GALNT17: variants seen among roughly 807,000 people sequenced by gnomAD.
GALNT17 encodes the protein polypeptide N-acetylgalactosaminyltransferase 17.
In GALNT17, 29 loss-of-function variants were observed where a neutral mutation model predicts 63.7. The ratio of observed to expected loss-of-function variants is 0.46; its 90% CI spans 0.34 to 0.62. GALNT17 has a LOEUF of 0.62. Among genes scored for constraint, GALNT17 ranks in the 20% least tolerant of loss-of-function variants. GALNT17 has a pLI of 0.01. For missense variants in GALNT17, 603 were observed against 799.6 expected, an observed-to-expected ratio of 0.75 and a Z score of 2.97; for synonymous variants, 305 against 318.3, an observed-to-expected ratio of 0.96 and a Z score of 0.45.
chr7:71,470,712 A>C (rs915599577), intron 5 of GALNT17, among the ~76,000 whole-genome samples: 1 of 152,188 alleles, frequency 6.6e-6, no homozygotes, highest in African/African-American at 2.4e-5. Context: ...GTGACTAGGA[A>C]TCAAAGTCAG....
intron 5 of GALNT17, among the ~76,000 whole-genome samples, chr7:71,496,894 C>T (rs964988046): frequency 2.0e-5 from 3 of 151,076 alleles, no homozygotes; most frequent in African/African-American, 4.9e-5. Context: ...GGCAAAGTAG[C>T]GAGACCATGT....
intron 1 of GALNT17, among the ~76,000 whole-genome samples, chr7:71,323,670 G>A (rs1791655434): frequency 1.3e-5 from 2 of 152,148 alleles, no homozygotes; most frequent in Non-Finnish European, 2.9e-5. Context: ...TAATGAAACG[G>A]CGCTTACCCA....
At position 71,148,521 on chromosome 7, in the gene GALNT17, C is replaced by T. The variant is rs187133791; in HGVS notation, c.238+15481C>T. ...CAGTGGTAGCAAAAGAGAAGGAGAA[C>T]GGGAACAGCATTTGCATTGTGAATC... On this transcript the variant is annotated intron_variant, in intron 1 of 10. Coordinates refer to ENST00000333538, the MANE Select transcript of GALNT17 (RefSeq NM_022479.3). Among the ~76,000 whole-genome samples, 23 of 152,194 alleles carry T rather than the reference C, an allele frequency of 1.5e-4. No individual in the cohort carries two copies. The East Asian group carries it at 3.5e-3, about 23-fold the overall frequency.
At chr7:71,431,821 C>A (rs942934391) in intron 5 of GALNT17, among the ~76,000 whole-genome samples, 1 of 152,104 alleles carries the variant, frequency 6.6e-6, no homozygotes, top group South Asian at 2.1e-4. Flanking sequence ...GGAGAACTCT[C>A]GAAACTCAGA....
intron 6 of GALNT17, among the ~76,000 whole-genome samples, chr7:71,599,605 A>G (rs1014485487): frequency 1.6e-4 from 25 of 151,626 alleles, no homozygotes; most frequent in Non-Finnish European, 5.9e-5. Flanking sequence ...TGAGTTGAGG[A>G]CCCTAGAGGG....
intron 1 of GALNT17, among the ~76,000 whole-genome samples, chr7:71,289,259 T>C (rs1283939784): frequency 6.6e-6 from 1 of 151,956 alleles, no homozygotes; most frequent in Non-Finnish European, 1.5e-5. Flanking sequence ...CCAATCATTA[T>C]TGGGCATAAT....
At chr7:71,629,369 T>C (rs558285362) in intron 6 of GALNT17, among the ~76,000 whole-genome samples, 1 of 152,312 alleles carries the variant, frequency 6.6e-6, no homozygotes, top group African/African-American at 2.4e-5. Flanking sequence ...TCTGATGACA[T>C]CTACCTATGC....
intron 5 of GALNT17, among the ~76,000 whole-genome samples, chr7:71,526,634 C>T (rs1192845019): frequency 6.6e-6 from 1 of 152,196 alleles, no homozygotes; most frequent in Non-Finnish European, 1.5e-5. Context: ...ATTCTCCTGT[C>T]TTAGCCTCCC....
intron 2 of GALNT17, among the ~76,000 whole-genome samples, chr7:71,387,663 T>G (rs1193492771): frequency 6.6e-6 from 1 of 151,598 alleles, no homozygotes; most frequent in Non-Finnish European, 1.5e-5. Context: ...GGGGGTGGAG[T>G]AATCGCTTAG....
At chr7:71,305,813 C>A (rs1299515068) in intron 1 of GALNT17, among the ~76,000 whole-genome samples, 3 of 152,150 alleles carry the variant, frequency 2.0e-5, no homozygotes, top group Admixed American at 1.3e-4. Flanking sequence ...GAAGACTCTT[C>A]CTCTGACATC....
intron 5 of GALNT17, among the ~76,000 whole-genome samples, chr7:71,452,027 T>C (rs897814493): frequency 6.6e-6 from 1 of 151,952 alleles, no homozygotes; most frequent in African/African-American, 2.4e-5. Context: ...CTGGACAATA[T>C]AGCAAGACCC....
intron 1 of GALNT17, among the ~76,000 whole-genome samples, chr7:71,284,789 A>G (rs987036547): frequency 3.9e-5 from 6 of 152,174 alleles, no homozygotes; most frequent in African/African-American, 1.4e-4. Context: ...ATTCTCTTCT[A>G]TGTAACTGCT....
intron 3 of GALNT17, among the ~76,000 whole-genome samples, chr7:71,403,544 A>G (rs1793275396): frequency 6.6e-6 from 1 of 152,212 alleles, no homozygotes; most frequent in Non-Finnish European, 1.5e-5. Flanking sequence ...AAGAGCTGCT[A>G]TTGATAGAAC....
At chr7:71,351,979 T>C (rs1479571287) in intron 2 of GALNT17, among the ~76,000 whole-genome samples, 2 of 152,098 alleles carry the variant, frequency 1.3e-5, no homozygotes, top group African/African-American at 2.4e-5. Context: ...TAGGAGATGA[T>C]AGTGATTCCG....
At chr7:71,575,677 C>T (rs1222340056) in intron 6 of GALNT17, among the ~76,000 whole-genome samples, 1 of 152,236 alleles carries the variant, frequency 6.6e-6, no homozygotes, top group Non-Finnish European at 1.5e-5. Flanking sequence ...AGTGAGCCAC[C>T]GTGCCCGGCC....
intron 1 of GALNT17, among the ~76,000 whole-genome samples, chr7:71,288,806 G>T (rs775509351): frequency 2.6e-5 from 4 of 152,216 alleles, no homozygotes; most frequent in Admixed American, 2.0e-4. Flanking sequence ...GGAGAGGAGA[G>T]TTGGTTGATG....
intron 1 of GALNT17, among the ~76,000 whole-genome samples, chr7:71,156,784 A>G (rs1476105484): frequency 6.7e-6 from 1 of 149,998 alleles, no homozygotes. Flanking sequence ...CAGTGGTGCA[A>G]TCATAGCTCA....
intron 1 of GALNT17, among the ~76,000 whole-genome samples, chr7:71,256,566 C>T (rs546905386): frequency 4.5e-4 from 68 of 151,228 alleles, no homozygotes; most frequent in Non-Finnish European, 6.9e-4. Flanking sequence ...AGTGAGACTC[C>T]GTCTCAAAAA....
intron 1 of GALNT17, among the ~76,000 whole-genome samples, chr7:71,325,741 G>A (rs959053772): frequency 1.3e-5 from 2 of 152,132 alleles, no homozygotes; most frequent in Admixed American, 6.5e-5. Context: ...GTGATCAACC[G>A]TGTGGCCCTC....
Sources: allele counts gnomAD v4.1 joint callset (sites outside exome capture counted in the v4.1 genomes callset), GRCh38; gene constraint gnomAD v4.1.1; transcripts MANE v1.5; gene names NCBI Gene and HGNC (gene_info 2026-07-23, HGNC 2026-07-21).